Variants in CELF4 observed in about 807,000 individuals in gnomAD.
The protein encoded by CELF4 is CUG-BP- and ETR-3-like factor 4.
CELF4 carries 18 observed loss-of-function variants against 59.9 expected under a neutral mutation model. That is an observed-to-expected ratio of 0.30 (90% CI 0.21 to 0.45). The LOEUF (loss-of-function observed/expected upper bound fraction) is 0.45. Among genes scored for constraint, CELF4 ranks in the 20% least tolerant of loss-of-function variants. The pLI is 1.00. For synonymous variants in CELF4, 261 were observed against 267.1 expected (o/e 0.98, Z 0.22); for missense variants, 456 against 689.0 (o/e 0.66, Z 3.79).
At chr18:37,412,242 T>C (rs7232868) in intron 2 of CELF4, among the ~76,000 whole-genome samples, 57,150 of 152,114 alleles carry the variant, frequency 0.38, 12,103 homozygotes, top group South Asian at 0.64. Context: ...AGACGGAGAC[T>C]GCTTATGGCA....
rs111417619 is a variant in CELF4 at position 37,363,337 on chromosome 18, A to G, written c.370-41456T>C. ...TCACCTACCAGGACACAAACAACAA[A>G]TAGGAAAGGAGGAAACATTTTTCCA... On this transcript the variant is annotated intron_variant, in intron 2 of 12. Coordinates refer to ENST00000420428, the MANE Select transcript of CELF4 (RefSeq NM_020180.4). 5.1e-4 allele frequency among the ~76,000 whole-genome samples: 78 copies of G among 152,352 alleles called. 1 individual carries two copies. Among genetic ancestry groups the G allele is most frequent in the African/African-American group, 1.9e-3 (77 of 41,596 alleles).
intron 2 of CELF4, among the ~76,000 whole-genome samples, chr18:37,436,721 G>A (rs951054117): frequency 1.3e-5 from 2 of 152,142 alleles, no homozygotes; most frequent in African/African-American, 4.8e-5. Flanking sequence ...GTCAGAAATA[G>A]AGGCGCCTTC....
intron 2 of CELF4, among the ~76,000 whole-genome samples, chr18:37,340,538 A>T (rs150938246): frequency 4.6e-4 from 70 of 152,264 alleles, no homozygotes; most frequent in African/African-American, 1.5e-3. Flanking sequence ...TCTCTTGTTC[A>T]TTCATTCACT....
chr18:37,340,215 A>G lies in CELF4; in HGVS notation c.370-18334T>C, dbSNP rs543322321. ...GTGCAGCCAACAACCAGGCTGGGGC[A>G]CCCATCCTGACCTCAGAAATGCCAC... On this transcript the variant is annotated intron_variant, in intron 2 of 12. Transcript: ENST00000420428. Among the ~76,000 whole-genome samples the G allele has an allele frequency of 3.0e-3, 459 of 152,320 alleles. 1 individual carries two copies. Among genetic ancestry groups the G allele is most frequent in the South Asian group, 0.02 (98 of 4,830 alleles).
intron 11 of CELF4, among the ~76,000 whole-genome samples, chr18:37,258,156 T>C (rs184394003): frequency 6.6e-6 from 1 of 152,304 alleles, no homozygotes; most frequent in African/African-American, 2.4e-5. Flanking sequence ...GTTTTCCCTC[T>C]CCCATCTAAC....
chr18:37,465,138 A>C (rs572894949), intron 2 of CELF4, among the ~76,000 whole-genome samples: 68 of 152,238 alleles, frequency 4.5e-4, no homozygotes, highest in Admixed American at 1.0e-3. Flanking sequence ...ATGCCTTAGG[A>C]AAGCTCTTTG....
At chr18:37,294,860 T>C (rs1318489569) in intron 3 of CELF4, among the ~76,000 whole-genome samples, 2 of 152,252 alleles carry the variant, frequency 1.3e-5, no homozygotes, top group Non-Finnish European at 2.9e-5. Context: ...TCTCTTTTTA[T>C]GACATTTATC....
intron 2 of CELF4, among the ~76,000 whole-genome samples, chr18:37,388,508 A>C (rs2099123566): frequency 6.8e-6 from 1 of 147,462 alleles, no homozygotes; most frequent in African/African-American, 2.5e-5. Flanking sequence ...CTCCCTCCCC[A>C]AGGCCAGTGG....
At chr18:37,337,627 C>A (rs537638678) in intron 2 of CELF4, among the ~76,000 whole-genome samples, 2 of 152,222 alleles carry the variant, frequency 1.3e-5, no homozygotes, top group African/African-American at 4.8e-5. Flanking sequence ...GAGGCTTCAT[C>A]TCCAGATGGC....
rs1201314005 is a variant in CELF4, at chr18:37,254,079, G to T, written c.1334-141C>A. On this transcript the variant is annotated intron_variant, in intron 11 of 12. Coordinates refer to ENST00000420428, the MANE Select transcript of CELF4 (RefSeq NM_020180.4). The surrounding 1 kb of genome is among the most constrained non-coding windows in gnomAD (Gnocchi z 5.1). Reference sequence around the variant, plus strand: ...GCCCCGCCCCCGGCCCCGCCCCGGTGCCCGCCCCTCTCCAGCCCGCGCGCG... The same window carrying T: ...GCCCCGCCCCCGGCCCCGCCCCGGTTCCCGCCCCTCTCCAGCCCGCGCGCG... 9 of 515,138 alleles carry T rather than the reference G, an allele frequency of 1.7e-5. No individual in the cohort carries two copies. The highest frequency in any genetic ancestry group is 2.2e-5 in the Non-Finnish European group (8 of 359,506). 31.9% of individuals were successfully genotyped at this position (515,138 alleles called of 1,614,324 possible).
intron 2 of CELF4, among the ~76,000 whole-genome samples, chr18:37,349,844 C>G (rs952232693): frequency 3.9e-5 from 6 of 152,152 alleles, no homozygotes; most frequent in East Asian, 1.9e-4. Flanking sequence ...GGCTCAGAGA[C>G]AGAGGACCTG....
At position 37,354,566 on chromosome 18, in the gene CELF4, C is replaced by T. The variant is rs542259973; in HGVS notation, c.370-32685G>A. On this transcript the variant is annotated intron_variant, in intron 2 of 12. Transcript: ENST00000420428. ...CCGTAGGTAGGTAAAAATGTATTCT[C>T]TCAGCAAACGCTTTTGAATTTGGGA... Among the ~76,000 whole-genome samples, 5 of 152,334 alleles carry T rather than the reference C, an allele frequency of 3.3e-5. No homozygotes were observed. In the South Asian group the frequency reaches 8.3e-4, roughly 25 times the overall value.
At chr18:37,323,299 G>T (rs1036184153) in intron 2 of CELF4, among the ~76,000 whole-genome samples, 1 of 152,014 alleles carries the variant, frequency 6.6e-6, no homozygotes, top group African/African-American at 2.4e-5. Context: ...GGGTGTCATT[G>T]TTCACCACCA....
intron 1 of CELF4, among the ~76,000 whole-genome samples, chr18:37,549,832 C>T (rs1012444372): frequency 1.3e-5 from 2 of 152,010 alleles, no homozygotes; most frequent in Admixed American, 6.6e-5. Context: ...GCAGTATAAC[C>T]TATCACTTAA....
At chr18:37,267,240 G>A (rs750529775) in intron 8 of CELF4, among the ~76,000 whole-genome samples, 227 of 152,344 alleles carry the variant, frequency 1.5e-3, no homozygotes, top group Non-Finnish European at 2.2e-3. Context: ...GAGGAACCAG[G>A]AGACCAAGGA....
At position 37,358,037 on chromosome 18, in the gene CELF4, T is replaced by C. The variant is rs1046377311; in HGVS notation, c.370-36156A>G. ...GGTGAGACTCTGGACTGTGGGCTTT[T>C]GAGTTAATGCTGAAATGAGTTAAGA... is the stretch of plus-strand genomic sequence containing the variant. On this transcript the variant is annotated intron_variant, in intron 2 of 12. Coordinates refer to ENST00000420428, the MANE Select transcript of CELF4 (RefSeq NM_020180.4). Among the ~76,000 whole-genome samples, 21 of 152,256 alleles carry C rather than the reference T, an allele frequency of 1.4e-4. No homozygotes were observed. The Middle Eastern group carries it at 0.01, about 74-fold the overall frequency.
intron 1 of CELF4, among the ~76,000 whole-genome samples, chr18:37,564,692 G>C (rs992736428): frequency 2.0e-5 from 3 of 151,906 alleles, no homozygotes; most frequent in African/African-American, 7.3e-5. Flanking sequence ...CTGGTTCCTT[G>C]CTAATTCTTG....
chr18:37,545,432 C>G (rs987166865), intron 1 of CELF4, among the ~76,000 whole-genome samples: 1 of 152,212 alleles, frequency 6.6e-6, no homozygotes, highest in African/African-American at 2.4e-5. Context: ...CTGAATTCAG[C>G]CTCCAGGGGG....
intron 2 of CELF4, among the ~76,000 whole-genome samples, chr18:37,330,610 C>T (rs2097504793): frequency 6.6e-6 from 1 of 152,178 alleles, no homozygotes; most frequent in Non-Finnish European, 1.5e-5. Flanking sequence ...TTTGTCTCCA[C>T]CCTGAGGAGT....
Sources: allele counts gnomAD v4.1 joint callset (sites outside exome capture counted in the v4.1 genomes callset), GRCh38; gene constraint gnomAD v4.1.1; non-coding constraint Gnocchi (gnomAD v3.1); transcripts MANE v1.5; gene names NCBI Gene and HGNC (gene_info 2026-07-23, HGNC 2026-07-21).